The following PPARGC1A variants were observed in gnomAD, a reference collection of about 807,000 sequenced individuals.
The protein encoded by PPARGC1A is peroxisome proliferator-activated receptor gamma coactivator 1-alpha.
Under a neutral mutation model 88.7 loss-of-function variants are expected in PPARGC1A, and 25 were observed. That is an observed-to-expected ratio of 0.28 (90% CI 0.21 to 0.39). PPARGC1A has a LOEUF of 0.39. Among genes scored for constraint, PPARGC1A ranks in the 10% least tolerant of loss-of-function variants. The pLI, the probability that PPARGC1A is intolerant of heterozygous loss-of-function variation, is 1.00. For synonymous variants in PPARGC1A, 363 were observed against 355.6 expected (o/e 1.02, Z -0.24); for missense variants, 880 against 968.7 (o/e 0.91, Z 1.22).
intron 10 of PPARGC1A, among the ~76,000 whole-genome samples, chr4:23,810,326 C>T (rs1720658574): frequency 6.6e-6 from 1 of 151,530 alleles, no homozygotes; most frequent in Admixed American, 6.6e-5. Context: ...ATCAAGTTGA[C>T]ACTTGTATTA....
chr4:24,364,287 G>A, the PPARGC1A span, among the ~76,000 whole-genome samples: 3 of 152,112 alleles, frequency 2.0e-5, no homozygotes, highest in Admixed American at 1.3e-4. Context: ...CAATTATGCC[G>A]ACCCTTTTCT....
At chr4:24,120,461 G>A in the PPARGC1A span, among the ~76,000 whole-genome samples, 53 of 152,128 alleles carry the variant, frequency 3.5e-4, 1 homozygote, top group African/African-American at 1.0e-3. Context: ...GCAATATCTC[G>A]TTTAACCCCC....
At chr4:24,378,489 A>C in the PPARGC1A span, among the ~76,000 whole-genome samples, 1 of 152,222 alleles carries the variant, frequency 6.6e-6, no homozygotes, top group Non-Finnish European at 1.5e-5. Flanking sequence ...GTTAAAAAAA[A>C]AACATCATTC....
chr4:24,005,104 C>A, the PPARGC1A span, among the ~76,000 whole-genome samples: 1 of 152,014 alleles, frequency 6.6e-6, no homozygotes, highest in East Asian at 1.9e-4. Flanking sequence ...TATCCTAGGT[C>A]CCTAGGTTAT....
At chr4:24,097,439 C>T in the PPARGC1A span, among the ~76,000 whole-genome samples, 1 of 152,180 alleles carries the variant, frequency 6.6e-6, no homozygotes, top group Non-Finnish European at 1.5e-5. Flanking sequence ...CCACGTTATA[C>T]ATTTCCACTT....
chr4:24,391,243 T>G, the PPARGC1A span, among the ~76,000 whole-genome samples: 1 of 152,188 alleles, frequency 6.6e-6, no homozygotes, highest in Non-Finnish European at 1.5e-5. Flanking sequence ...TATTTCTTGC[T>G]CTCAAGCCAC....
At chr4:24,404,737 C>T in the PPARGC1A span, among the ~76,000 whole-genome samples, 3 of 152,060 alleles carry the variant, frequency 2.0e-5, no homozygotes, top group Non-Finnish European at 4.4e-5. Flanking sequence ...TCGATGTTGC[C>T]AGATTTTATA....
At chr4:24,092,387 C>T in the PPARGC1A span, among the ~76,000 whole-genome samples, 2 of 152,150 alleles carry the variant, frequency 1.3e-5, no homozygotes, top group African/African-American at 4.8e-5. Context: ...TAAGAATTGC[C>T]CTTCACCCCT....
rs1716858600 is a variant in PPARGC1A, at chr4:23,792,712, A to G, written c.*3110T>C. On this transcript the variant is annotated 3_prime_UTR_variant, in exon 13 of 13. Coordinates refer to ENST00000264867, the MANE Select transcript of PPARGC1A (RefSeq NM_013261.5). Reference sequence around the variant, plus strand: ...GGCAATGGCCCACGGTCTTCTAAAAATCCTACAGATCTATGCTGAAATTTG... The same window carrying G: ...GGCAATGGCCCACGGTCTTCTAAAAGTCCTACAGATCTATGCTGAAATTTG... 1.3e-5 allele frequency: 2 copies of G among 152,498 alleles called. No individual in the cohort carries two copies. Among genetic ancestry groups the G allele is most frequent in the Non-Finnish European group, 2.9e-5 (2 of 68,006 alleles). The allele number at this position is 152,498 out of a possible 1,614,324, so 9.4% of individuals were successfully genotyped here. A position where few individuals can be genotyped will look rare whatever the true frequency, so the allele number is the denominator to read the frequency against.
chr4:24,399,345 T>G, the PPARGC1A span, among the ~76,000 whole-genome samples: 1 of 152,236 alleles, frequency 6.6e-6, no homozygotes, highest in Non-Finnish European at 1.5e-5. Flanking sequence ...TTTAGGCTGA[T>G]GTTACTTTTA....
At chr4:24,036,762 G>T in the PPARGC1A span, among the ~76,000 whole-genome samples, 1 of 152,098 alleles carries the variant, frequency 6.6e-6, no homozygotes, top group Non-Finnish European at 1.5e-5. Flanking sequence ...GGGAACAAGG[G>T]AAACTTCTGG....
chr4:24,130,143 T>C, the PPARGC1A span, among the ~76,000 whole-genome samples: 1 of 152,044 alleles, frequency 6.6e-6, no homozygotes, highest in Admixed American at 6.6e-5. Flanking sequence ...AAACTTAAAG[T>C]ATAATAAAAA....
the PPARGC1A span, among the ~76,000 whole-genome samples, chr4:24,136,502 G>A: frequency 2.0e-5 from 3 of 152,154 alleles, no homozygotes; most frequent in Non-Finnish European, 2.9e-5. Context: ...CACAAGAATA[G>A]CGCTTGGAAA....
At chr4:24,064,018 T>C in the PPARGC1A span, among the ~76,000 whole-genome samples, 1 of 152,198 alleles carries the variant, frequency 6.6e-6, no homozygotes, top group Non-Finnish European at 1.5e-5. Context: ...CCAGCCTTCC[T>C]GAGTTGGCCA....
the PPARGC1A span, among the ~76,000 whole-genome samples, chr4:24,113,299 T>A: frequency 6.6e-6 from 1 of 152,010 alleles, no homozygotes; most frequent in African/African-American, 2.4e-5. Flanking sequence ...GATGGATGCA[T>A]GGATGGATGG....
upstream of PPARGC1A, chr4:23,890,307 AG>A: frequency 4.5e-6 from 1 of 222,488 alleles, no homozygotes; most frequent in Non-Finnish European, 8.5e-6. Flanking sequence ...CTGTGATTAA[AG>A]CCAGCTTTGA....
At chr4:23,820,683 T>C (rs1199687868) in intron 7 of PPARGC1A, 1 of 405,980 alleles carries the variant, frequency 2.5e-6, no homozygotes, top group Non-Finnish European at 5.0e-6. Context: ...TGAGCTAGTT[T>C]AGGACAATCA....
At chr4:24,078,134 C>T in the PPARGC1A span, among the ~76,000 whole-genome samples, 3 of 151,958 alleles carry the variant, frequency 2.0e-5, no homozygotes, top group Admixed American at 6.6e-5. Context: ...TCTATTCTCT[C>T]ACTTTCACAT....
the PPARGC1A span, among the ~76,000 whole-genome samples, chr4:24,344,492 G>T: frequency 1.3e-5 from 2 of 151,934 alleles, no homozygotes; most frequent in Non-Finnish European, 2.9e-5. Context: ...GCATTTCCCT[G>T]ATCATTAGTG....
Sources: gnomAD v4.1 joint callset for allele counts (sites outside exome capture counted in the v4.1 genomes callset) on GRCh38, gnomAD v4.1.1 for gene constraint, MANE v1.5 for transcripts, NCBI Gene and HGNC (gene_info 2026-07-23, HGNC 2026-07-21) for gene names.